Variants in AGBL4 observed in about 807,000 individuals in gnomAD.
The protein encoded by AGBL4 is cytosolic carboxypeptidase 6.
Under a neutral mutation model 66.4 loss-of-function variants are expected in AGBL4, and 58 were observed. The ratio of observed to expected loss-of-function variants is 0.87; its 90% CI spans 0.71 to 1.09. The LOEUF (loss-of-function observed/expected upper bound fraction) is 1.09, where lower values mean the gene tolerates loss of function less well. Ranked by LOEUF, AGBL4 falls within the 50% of genes least tolerant of loss-of-function variation. AGBL4 has a pLI of 0.00. For missense variants in AGBL4, 579 were observed against 631.0 expected (o/e 0.92, Z 0.88); for synonymous variants, 234 against 222.9 (o/e 1.05, Z -0.44).
intron 3 of AGBL4, among the ~76,000 whole-genome samples, chr1:49,427,617 G>C (rs1030395977): frequency 6.6e-6 from 1 of 152,146 alleles, no homozygotes; most frequent in African/African-American, 2.4e-5. Context: ...CGGTGGGTTC[G>C]TGGTCTCAGT....
chr1:49,029,314 A>T (rs528918182), intron 5 of AGBL4, among the ~76,000 whole-genome samples: 1 of 152,190 alleles, frequency 6.6e-6, no homozygotes, highest in African/African-American at 2.4e-5. Flanking sequence ...TTTAATCTTA[A>T]GGAATCTAAT....
chr1:48,905,480 A>G (rs552273959), intron 5 of AGBL4, among the ~76,000 whole-genome samples: 32 of 152,364 alleles, frequency 2.1e-4, no homozygotes, highest in Non-Finnish European at 3.4e-4. Flanking sequence ...AAGAATTAAA[A>G]AGATAATCCA....
At chr1:49,263,737 A>T (rs1653460244) in intron 3 of AGBL4, among the ~76,000 whole-genome samples, 1 of 152,204 alleles carries the variant, frequency 6.6e-6, no homozygotes, top group South Asian at 2.1e-4. Context: ...GGGGTACTTG[A>T]CAATAAAGAT....
chr1:49,453,524 A>G (rs1646324233), intron 3 of AGBL4, among the ~76,000 whole-genome samples: 1 of 151,758 alleles, frequency 6.6e-6, no homozygotes, highest in Non-Finnish European at 1.5e-5. Flanking sequence ...AAGGAAAACA[A>G]TAAAATAAAT....
chr1:48,967,023 A>T (rs772633740), intron 5 of AGBL4, among the ~76,000 whole-genome samples: 3 of 146,984 alleles, frequency 2.0e-5, no homozygotes, highest in Non-Finnish European at 3.0e-5. Flanking sequence ...TTCGGTTTAC[A>T]TTTTTTTTTT....
At chr1:49,475,082 A>G (rs544595730) in intron 3 of AGBL4, among the ~76,000 whole-genome samples, 1 of 152,080 alleles carries the variant, frequency 6.6e-6, no homozygotes, top group African/African-American at 2.4e-5. Context: ...TTTATCATAG[A>G]TGGCTTTTAT....
intron 10 of AGBL4, among the ~76,000 whole-genome samples, chr1:48,590,487 T>C (rs1478025631): frequency 6.6e-6 from 1 of 150,972 alleles, no homozygotes; most frequent in Admixed American, 6.6e-5. Context: ...TCTTGGGAGA[T>C]AGAGGCTGCA....
At chr1:49,306,883 T>G (rs1230097904) in intron 3 of AGBL4, among the ~76,000 whole-genome samples, 3 of 152,200 alleles carry the variant, frequency 2.0e-5, no homozygotes, top group Non-Finnish European at 4.4e-5. Flanking sequence ...TGGCAATTTT[T>G]ATCATCATAA....
intron 3 of AGBL4, among the ~76,000 whole-genome samples, chr1:49,313,676 T>C (rs1644983177): frequency 1.3e-5 from 2 of 152,242 alleles, no homozygotes; most frequent in South Asian, 4.1e-4. Context: ...ATGTCTTCTT[T>C]TGAGAAATGT....
intron 6 of AGBL4, among the ~76,000 whole-genome samples, chr1:48,696,952 C>T (rs1369032859): frequency 1.3e-5 from 2 of 152,140 alleles, no homozygotes; most frequent in African/African-American, 4.8e-5. Flanking sequence ...TGGTGGGTGT[C>T]CCTCACCTCA....
intron 4 of AGBL4, among the ~76,000 whole-genome samples, chr1:49,200,380 G>A (rs1647593696): frequency 1.3e-5 from 2 of 152,176 alleles, no homozygotes; most frequent in Admixed American, 6.5e-5. Flanking sequence ...CATACATCAA[G>A]GAAGCAATCA....
chr1:49,481,974 C>A (rs1167826462), intron 3 of AGBL4, among the ~76,000 whole-genome samples: 1 of 150,114 alleles, frequency 6.7e-6, no homozygotes, highest in African/African-American at 2.5e-5. Flanking sequence ...GGGGAGGAAG[C>A]CTACTAGATC....
intron 3 of AGBL4, among the ~76,000 whole-genome samples, chr1:49,589,178 T>C (rs1644707539): frequency 6.6e-6 from 1 of 152,150 alleles, no homozygotes; most frequent in South Asian, 2.1e-4. Flanking sequence ...CACTCTTTTT[T>C]ATTTAATATT....
At chr1:48,773,137 C>T (rs569969808) in intron 6 of AGBL4, among the ~76,000 whole-genome samples, 3 of 152,186 alleles carry the variant, frequency 2.0e-5, no homozygotes, top group South Asian at 4.1e-4. Context: ...AAGGAGACAT[C>T]TGAAACAAAA....
chr1:49,066,290 A>C (rs1465201784), intron 4 of AGBL4, among the ~76,000 whole-genome samples: 1 of 152,242 alleles, frequency 6.6e-6, no homozygotes. Context: ...ACGGTGGCTC[A>C]TGCCTATAAT....
At chr1:49,837,874 C>T (rs1161899641) in intron 2 of AGBL4, among the ~76,000 whole-genome samples, 1 of 152,028 alleles carries the variant, frequency 6.6e-6, no homozygotes, top group African/African-American at 2.4e-5. Context: ...ACAGCTTCTC[C>T]TAAGGTTCAG....
intron 5 of AGBL4, among the ~76,000 whole-genome samples, chr1:48,961,629 G>C (rs892610619): frequency 4.6e-5 from 7 of 152,174 alleles, no homozygotes; most frequent in African/African-American, 1.4e-4. Context: ...TGGCATCACT[G>C]TGCAGTGCTG....
intron 1 of AGBL4, among the ~76,000 whole-genome samples, chr1:49,913,363 T>C (rs1411249800): frequency 2.6e-5 from 4 of 152,224 alleles, no homozygotes; most frequent in African/African-American, 9.6e-5. Flanking sequence ...GGAACAAAAC[T>C]CAACAGGGCA....
Position 49,088,907 on chromosome 1 carries a change from G to A in AGBL4, c.378-43107C>T, listed in dbSNP as rs534781740. On this transcript the variant is annotated intron_variant, in intron 4 of 13. Transcript: ENST00000371839. ...TCAAAATCATACCAAACACAGTCTC[G>A]AATATCAGCACAATAAAAATAGAAA... 1.4e-4 allele frequency among the ~76,000 whole-genome samples: 21 copies of A among 151,554 alleles called. No homozygotes were observed. The South Asian group carries it at 3.1e-3, about 23-fold the overall frequency.
Sources: allele counts gnomAD v4.1 joint callset (sites outside exome capture counted in the v4.1 genomes callset), GRCh38; gene constraint gnomAD v4.1.1; transcripts MANE v1.5; gene names NCBI Gene and HGNC (gene_info 2026-07-23, HGNC 2026-07-21).